Variants in ZFHX3 observed in about 807,000 individuals in gnomAD.
ZFHX3 encodes zinc finger homeobox 3, also known as zinc finger homeobox protein 3.
ZFHX3 carries 42 observed loss-of-function variants against 279.1 expected under a neutral mutation model. The ratio of observed to expected loss-of-function variants is 0.15; its 90% CI spans 0.12 to 0.19. The LOEUF is 0.19. Ranked by LOEUF, ZFHX3 falls within the 10% of genes least tolerant of loss-of-function variation. The pLI is 1.00. For missense variants in ZFHX3, 4,981 were observed against 4,754.0 expected (o/e 1.05, Z -1.40); for synonymous variants, 2,293 against 1,957.8 (o/e 1.17, Z -4.52).
At chr16:72,826,835 C>T (rs1266783422) in intron 5 of ZFHX3, among the ~76,000 whole-genome samples, 2 of 152,152 alleles carry the variant, frequency 1.3e-5, no homozygotes, top group Admixed American at 6.5e-5. Flanking sequence ...AAAGTGGAAC[C>T]TTATTAAGGA....
chr16:73,802,686 G>C (rs1960177218), intron 1 of ZFHX3, among the ~76,000 whole-genome samples: 1 of 152,078 alleles, frequency 6.6e-6, no homozygotes, highest in East Asian at 1.9e-4. Flanking sequence ...TTTTTTGATG[G>C]ACACCAGAAC....
rs899851614 is a variant in ZFHX3 at position 73,333,819 on chromosome 16, A to C, written c.-1290-15483T>G. Among the ~76,000 whole-genome samples the C allele has an allele frequency of 4.6e-4, 69 of 151,566 alleles. 1 individual carries two copies. In the South Asian group the frequency reaches 0.014, roughly 32 times the overall value. ...CCCCAAGAGACCAAAAAAAAAAAAA[A>C]AAAAAAAAAAAAGGTGGTCCCTTCA... is the stretch of plus-strand genomic sequence containing the variant. On this transcript the variant is annotated intron_variant, in intron 3 of 17. Coordinates refer to the ZFHX3 transcript ENST00000641206.
chr16:73,473,261 C>T (rs1312710119), intron 2 of ZFHX3, among the ~76,000 whole-genome samples: 1 of 145,578 alleles, frequency 6.9e-6, no homozygotes, highest in Admixed American at 7.1e-5. Flanking sequence ...CACTTGAGCC[C>T]AGGAGGCTGA....
At chr16:73,130,472 C>T (rs1051575285) in intron 7 of ZFHX3, among the ~76,000 whole-genome samples, 1 of 152,228 alleles carries the variant, frequency 6.6e-6, no homozygotes, top group Non-Finnish European at 1.5e-5. Flanking sequence ...TGCACTGAGG[C>T]AGTAGGCAAC....
At chr16:73,626,452 A>G (rs898055546) in intron 2 of ZFHX3, among the ~76,000 whole-genome samples, 5 of 152,112 alleles carry the variant, frequency 3.3e-5, no homozygotes, top group African/African-American at 4.8e-5. Flanking sequence ...ATATTGGAAT[A>G]TATATTTTGA....
At chr16:73,726,325 T>A (rs1357848174) in intron 1 of ZFHX3, among the ~76,000 whole-genome samples, 1 of 152,186 alleles carries the variant, frequency 6.6e-6, no homozygotes, top group African/African-American at 2.4e-5. Flanking sequence ...GAGGACATAT[T>A]GCTGCCAAAG....
At chr16:73,213,210 G>C (rs1320337356) in intron 5 of ZFHX3, among the ~76,000 whole-genome samples, 1 of 152,220 alleles carries the variant, frequency 6.6e-6, no homozygotes, top group Non-Finnish European at 1.5e-5. Flanking sequence ...ATAGCACCCA[G>C]CCTTTGATTA....
intron 4 of ZFHX3, among the ~76,000 whole-genome samples, chr16:73,270,317 G>T (rs2014105062): frequency 6.6e-6 from 1 of 152,130 alleles, no homozygotes; most frequent in South Asian, 2.1e-4. Flanking sequence ...TTATTTTAGT[G>T]GGAATTTGTC....
chr16:73,272,849 C>A (rs1008213359), intron 4 of ZFHX3, among the ~76,000 whole-genome samples: 3 of 152,122 alleles, frequency 2.0e-5, no homozygotes, highest in African/African-American at 7.2e-5. Flanking sequence ...TGGGTTTAAG[C>A]AATCCTCCTG....
At chr16:73,769,652 C>T (rs929156508) in intron 1 of ZFHX3, among the ~76,000 whole-genome samples, 1 of 152,116 alleles carries the variant, frequency 6.6e-6, no homozygotes, top group African/African-American at 2.4e-5. Flanking sequence ...GGAATTTCTA[C>T]CTTTTTAACC....
intron 2 of ZFHX3, among the ~76,000 whole-genome samples, chr16:73,576,461 G>A (rs1243557597): frequency 6.6e-6 from 1 of 152,120 alleles, no homozygotes; most frequent in African/African-American, 2.4e-5. Flanking sequence ...TGCACCTATG[G>A]CTGCAGCACG....
chr16:73,112,434 C>T (rs568338578), intron 7 of ZFHX3, among the ~76,000 whole-genome samples: 28 of 151,940 alleles, frequency 1.8e-4, no homozygotes, highest in Non-Finnish European at 4.1e-4. Flanking sequence ...TTAAAAAGGC[C>T]GAACCCAGTG....
chr16:73,743,656 T>C (rs1467011239), intron 1 of ZFHX3, among the ~76,000 whole-genome samples: 1 of 149,924 alleles, frequency 6.7e-6, no homozygotes, highest in Non-Finnish European at 1.5e-5. Flanking sequence ...AGGTAACTCC[T>C]ACATATATAT....
Position 72,979,630 on chromosome 16 carries a change from C to A in ZFHX3, c.-49-19436G>T, listed in dbSNP as rs144063617. Among the ~76,000 whole-genome samples, 162 of 152,128 alleles carry A rather than the reference C, an allele frequency of 1.1e-3. 1 individual carries two copies. The highest frequency in any genetic ancestry group is 2.0e-3 in the Non-Finnish European group (138 of 68,012). ...AGCAAAGAATATATAAGACATGGACCCCGAAATCAATGCGCTTACAGACTA... is the reference window on the plus strand; with the variant it reads ...AGCAAAGAATATATAAGACATGGACACCGAAATCAATGCGCTTACAGACTA... On this transcript the variant is annotated intron_variant, in intron 1 of 9. Transcript: ENST00000268489.
At chr16:73,574,352 C>G (rs559793977) in intron 2 of ZFHX3, among the ~76,000 whole-genome samples, 242 of 152,178 alleles carry the variant, frequency 1.6e-3, no homozygotes, top group Non-Finnish European at 3.0e-3. Flanking sequence ...TGGGCCCCCC[C>G]CAGCATCCAC....
intron 7 of ZFHX3, among the ~76,000 whole-genome samples, chr16:73,123,866 T>G (rs937529283): frequency 7.2e-5 from 11 of 152,120 alleles, no homozygotes; most frequent in Admixed American, 6.5e-4. Flanking sequence ...GAAGACCCAG[T>G]AAGAAGATGC....
chr16:72,865,174 T>C (rs2143921648), intron 4 of ZFHX3, among the ~76,000 whole-genome samples: 1 of 152,318 alleles, frequency 6.6e-6, no homozygotes, highest in East Asian at 1.9e-4. Context: ...AACCTGTGAC[T>C]TGAAAGAGTC....
At chr16:73,154,468 G>A (rs925085103) in intron 5 of ZFHX3, among the ~76,000 whole-genome samples, 7 of 152,068 alleles carry the variant, frequency 4.6e-5, no homozygotes, top group African/African-American at 1.4e-4. Context: ...TGATGATTCC[G>A]TTATCCTTGC....
At chr16:73,211,646 G>C (rs1597222458) in intron 5 of ZFHX3, among the ~76,000 whole-genome samples, 1 of 151,752 alleles carries the variant, frequency 6.6e-6, no homozygotes, top group African/African-American at 2.4e-5. Flanking sequence ...CCATGCATTT[G>C]TATTTAAATC....
Sources: gnomAD v4.1 joint callset for allele counts (sites outside exome capture counted in the v4.1 genomes callset) on GRCh38, gnomAD v4.1.1 for gene constraint, MANE v1.5 for transcripts, NCBI Gene and HGNC (gene_info 2026-07-23, HGNC 2026-07-21) for gene names.